ERGIC1: variants seen among roughly 807,000 people sequenced by gnomAD.
ERGIC1 encodes the protein endoplasmic reticulum-Golgi intermediate compartment protein 1.
In ERGIC1, 19 loss-of-function variants were observed where a neutral mutation model predicts 38.3. The ratio of observed to expected loss-of-function variants is 0.50; its 90% CI spans 0.35 to 0.73. The LOEUF is 0.73. ERGIC1 is among the 30% of genes least tolerant of loss of function. The pLI is 0.01. For synonymous variants in ERGIC1, 124 were observed against 157.6 expected, an observed-to-expected ratio of 0.79 and a Z score of 1.60; for missense variants, 294 against 389.2, an observed-to-expected ratio of 0.76 and a Z score of 2.06.
intron 2 of ERGIC1, among the ~76,000 whole-genome samples, chr5:172,891,642 G>T (rs928275713): frequency 2.6e-5 from 4 of 152,042 alleles, no homozygotes; most frequent in Non-Finnish European, 5.9e-5. Context: ...GCTTCACCAT[G>T]TTGGCCAGGC....
intron 1 of ERGIC1, among the ~76,000 whole-genome samples, chr5:172,838,398 G>T (rs1266630557): frequency 6.6e-6 from 1 of 152,150 alleles, no homozygotes; most frequent in Non-Finnish European, 1.5e-5. Context: ...CCCTGATGGG[G>T]CTGGCCCTGC....
At chr5:172,868,213 C>T (rs1024997291) in intron 1 of ERGIC1, among the ~76,000 whole-genome samples, 2 of 152,158 alleles carry the variant, frequency 1.3e-5, no homozygotes, top group African/African-American at 4.8e-5. Context: ...GTATTTTAAC[C>T]CCATTTTACA....
intron 1 of ERGIC1, among the ~76,000 whole-genome samples, chr5:172,860,527 C>G (rs1761670193): frequency 6.6e-6 from 1 of 152,262 alleles, no homozygotes; most frequent in Non-Finnish European, 1.5e-5. Flanking sequence ...ACCACTGCAC[C>G]TCACTGCATG....
intron 1 of ERGIC1, among the ~76,000 whole-genome samples, chr5:172,887,540 A>G (rs1048359985): frequency 1.3e-5 from 2 of 152,198 alleles, no homozygotes; most frequent in African/African-American, 4.8e-5. Flanking sequence ...TGAAGGTCAC[A>G]TGGTGAACGA....
At chr5:172,836,037 G>A (rs1359579174) in intron 1 of ERGIC1, among the ~76,000 whole-genome samples, 3 of 152,142 alleles carry the variant, frequency 2.0e-5, no homozygotes, top group East Asian at 1.9e-4. Flanking sequence ...AGTAGGTTCC[G>A]GTGATTTTGA....
rs1273334394 is a variant in ERGIC1 at position 172,857,136 on chromosome 5, C to T, written c.20+22703C>T. On this transcript the variant is annotated intron_variant, in intron 1 of 9. Coordinates refer to ENST00000393784, the MANE Select transcript of ERGIC1 (RefSeq NM_001031711.3). ...ATAACACGGTAAAGAGACTGGCCAC[C>T]ATGTTTTATGTATCTTAAATTAGGA... Among the ~76,000 whole-genome samples, 5 of 152,330 alleles carry T rather than the reference C, an allele frequency of 3.3e-5. No homozygotes were observed. In the East Asian group the frequency reaches 7.7e-4, roughly 24 times the overall value.
intron 1 of ERGIC1, among the ~76,000 whole-genome samples, chr5:172,870,712 G>A (rs1430456204): frequency 6.6e-6 from 1 of 152,210 alleles, no homozygotes; most frequent in Non-Finnish European, 1.5e-5. Context: ...AAATTTAGCA[G>A]GGGGAGCGGG....
intron 9 of ERGIC1, among the ~76,000 whole-genome samples, chr5:172,944,791 A>G (rs1764084912): frequency 6.6e-6 from 1 of 152,214 alleles, no homozygotes; most frequent in Non-Finnish European, 1.5e-5. Flanking sequence ...ATCGCTTTCC[A>G]GGTGCAGGGT....
At chr5:172,901,664 C>G (rs902279950) in intron 3 of ERGIC1, among the ~76,000 whole-genome samples, 2 of 152,066 alleles carry the variant, frequency 1.3e-5, no homozygotes, top group African/African-American at 4.8e-5. Flanking sequence ...AGGGCAGTGG[C>G]TCAATTATGG....
chr5:172,942,507 A>C (rs1764033339), intron 9 of ERGIC1, among the ~76,000 whole-genome samples: 1 of 152,316 alleles, frequency 6.6e-6, no homozygotes, highest in South Asian at 2.1e-4. Context: ...GGTGTCAAAC[A>C]ATGAGCACAT....
intron 2 of ERGIC1, among the ~76,000 whole-genome samples, chr5:172,893,084 C>T (rs1397316595): frequency 2.6e-5 from 4 of 152,184 alleles, no homozygotes; most frequent in South Asian, 2.1e-4. Flanking sequence ...AGCATGAACA[C>T]GGAAAGTAGC....
intron 1 of ERGIC1, among the ~76,000 whole-genome samples, chr5:172,848,968 C>A (rs138415250): frequency 6.8e-4 from 103 of 152,348 alleles, no homozygotes; most frequent in African/African-American, 2.4e-3. Context: ...GAGGCCACCA[C>A]GTGCCAGCTC....
intron 2 of ERGIC1, among the ~76,000 whole-genome samples, chr5:172,895,402 G>A (rs553957806): frequency 3.6e-4 from 55 of 152,196 alleles, no homozygotes; most frequent in African/African-American, 1.2e-3. Flanking sequence ...GGGCCCCAGC[G>A]CAGTCCTTAG....
In ERGIC1 at chr5:172,912,594, G is replaced by A. The variant is rs538177386; in HGVS notation, c.251-2120G>A. Among the ~76,000 whole-genome samples, 199 of 151,978 alleles carry A rather than the reference G, an allele frequency of 1.3e-3. 1 individual carries two copies. Among genetic ancestry groups the A allele is most frequent in the Non-Finnish European group, 2.2e-3 (149 of 67,964 alleles). On this transcript the variant is annotated intron_variant, in intron 4 of 9. Coordinates refer to ENST00000393784, the MANE Select transcript of ERGIC1 (RefSeq NM_001031711.3). ...AGTAGAGATGGGGTTTCACTACTTT[G>A]GCCAGGTTGGTCTCAAACTCCTGAC...
chr5:172,947,876 TTGTGTG>T (rs10566172), intron 9 of ERGIC1, among the ~76,000 whole-genome samples: 264 of 145,812 alleles, frequency 1.8e-3, no homozygotes, highest in African/African-American at 5.3e-3. Context: ...CAGATGTGTT[TTGTGTG>T]TGTGTGTGTG....
Position 172,840,381 on chromosome 5 carries a change from C to T in ERGIC1, c.20+5948C>T, listed in dbSNP as rs142210892. ...GGAGTTACTCCTAGCCAGTTTTTGT[C>T]AGGCGTGGGAGAGACAGGCAGGGTG... is the stretch of plus-strand genomic sequence containing the variant. On this transcript the variant is annotated intron_variant, in intron 1 of 9. Transcript: ENST00000393784. Among the ~76,000 whole-genome samples, 1,140 of 152,238 alleles carry T rather than the reference C, an allele frequency of 7.5e-3. 10 individuals carry two copies. The highest frequency in any genetic ancestry group is 0.025 in the African/African-American group (1,053 of 41,514).
At chr5:172,836,935 C>T (rs1324568551) in intron 1 of ERGIC1, among the ~76,000 whole-genome samples, 1 of 152,190 alleles carries the variant, frequency 6.6e-6, no homozygotes, top group Non-Finnish European at 1.5e-5. Flanking sequence ...TCTGGCCATG[C>T]AGTGCATGAG....
intron 1 of ERGIC1, among the ~76,000 whole-genome samples, chr5:172,850,188 C>T (rs1335468782): frequency 6.6e-6 from 1 of 152,184 alleles, no homozygotes; most frequent in African/African-American, 2.4e-5. Flanking sequence ...ATTTGGCTTC[C>T]GTTGGCCAAG....
At chr5:172,854,359 G>GACA in intron 1 of ERGIC1, among the ~76,000 whole-genome samples, 1 of 152,340 alleles carries the variant, frequency 6.6e-6, no homozygotes, top group Middle Eastern at 3.4e-3. Context: ...CTTCAGCCTG[G>GACA]ACAACAGAGT....
Sources: allele counts gnomAD v4.1 joint callset (sites outside exome capture counted in the v4.1 genomes callset), GRCh38; gene constraint gnomAD v4.1.1; transcripts MANE v1.5; gene names NCBI Gene and HGNC (gene_info 2026-07-23, HGNC 2026-07-21).